Variants in SOX6 observed in about 807,000 individuals in gnomAD.
The protein encoded by SOX6 is SRY-box transcription factor 6, also known as transcription factor SOX-6.
In SOX6, 11 loss-of-function variants were observed where a neutral mutation model predicts 97.8. The ratio of observed to expected loss-of-function variants is 0.11; its 90% CI spans 0.07 to 0.19. SOX6 has a LOEUF of 0.19. Ranked by LOEUF, SOX6 falls within the 10% of genes least tolerant of loss-of-function variation. The pLI is 1.00. For synonymous variants in SOX6, 360 were observed against 371.4 expected, an observed-to-expected ratio of 0.97 and a Z score of 0.35; for missense variants, 810 against 1,039.5, an observed-to-expected ratio of 0.78 and a Z score of 3.04.
At chr11:16,245,801 T>G (rs1853318078) in intron 3 of SOX6, among the ~76,000 whole-genome samples, 1 of 151,526 alleles carries the variant, frequency 6.6e-6, no homozygotes, top group Non-Finnish European at 1.5e-5. Flanking sequence ...AAAAAACTTT[T>G]AACATATTTA....
chr11:16,443,939 G>C (rs1031655405), intron 1 of SOX6, among the ~76,000 whole-genome samples: 6 of 151,378 alleles, frequency 4.0e-5, no homozygotes, highest in Non-Finnish European at 8.8e-5. Flanking sequence ...CTTGAACCCG[G>C]GAGGTGGAGG....
chr11:16,548,649 GAC>G (rs1215476655), intron 4 of SOX6, among the ~76,000 whole-genome samples: 1 of 152,116 alleles, frequency 6.6e-6, no homozygotes, highest in Non-Finnish European at 1.5e-5. Flanking sequence ...CTCTTTGAAA[GAC>G]ACTTAAAATG....
chr11:15,980,473 T>C (rs1214025425), intron 15 of SOX6, among the ~76,000 whole-genome samples: 1 of 152,002 alleles, frequency 6.6e-6, no homozygotes, highest in Non-Finnish European at 1.5e-5. Context: ...TCTTTTATCA[T>C]TATCAGCATA....
chr11:16,476,189 T>C (rs894422701), intron 1 of SOX6: 1 of 152,088 alleles, frequency 6.6e-6, no homozygotes, highest in Non-Finnish European at 1.5e-5. Context: ...TATCAAAAAA[T>C]AATAATTACA....
chr11:16,076,435 A>C (rs945094711), intron 9 of SOX6, among the ~76,000 whole-genome samples: 11 of 151,556 alleles, frequency 7.3e-5, no homozygotes, highest in Non-Finnish European at 1.3e-4. Flanking sequence ...CCCAGTAAAG[A>C]GTGGGCAAAT....
intron 3 of SOX6, among the ~76,000 whole-genome samples, chr11:16,713,066 G>A (rs1848193395): frequency 6.6e-6 from 1 of 152,114 alleles, no homozygotes; most frequent in Admixed American, 6.6e-5. Context: ...TGCCCAAGGT[G>A]ACACAGCATT....
chr11:16,626,525 C>T (rs1024973095), intron 3 of SOX6, among the ~76,000 whole-genome samples: 11 of 152,176 alleles, frequency 7.2e-5, no homozygotes, highest in African/African-American at 2.7e-4. Flanking sequence ...TATTTTAGGA[C>T]ACTTTCAATT....
chr11:16,197,399 T>A (rs1449681937), intron 4 of SOX6, among the ~76,000 whole-genome samples: 2 of 152,206 alleles, frequency 1.3e-5, no homozygotes, highest in African/African-American at 4.8e-5. Context: ...TGTTTTTATA[T>A]AATCATAGAT....
chr11:16,389,696 C>T (rs1028676522), intron 1 of SOX6, among the ~76,000 whole-genome samples: 5 of 151,938 alleles, frequency 3.3e-5, no homozygotes, highest in Non-Finnish European at 5.9e-5. Flanking sequence ...CGGCCGGGTG[C>T]GGTGGCTCAC....
chr11:16,097,470 A>C, intron 8 of SOX6, 139 bp downstream of exon 8: 5 of 743,548 alleles, frequency 6.7e-6, no homozygotes, highest in Non-Finnish European at 1.2e-5. Context: ...CATTACGATA[A>C]GCAAATAAGG....
intron 6 of SOX6, among the ~76,000 whole-genome samples, chr11:16,121,737 T>TA (rs1306224006): frequency 6.6e-6 from 1 of 152,160 alleles, no homozygotes; most frequent in African/African-American, 2.4e-5. Flanking sequence ...AAATGGATGA[T>TA]AAATGTTAAT....
At chr11:16,254,323 A>G (rs1221309271) in intron 3 of SOX6, among the ~76,000 whole-genome samples, 3 of 152,080 alleles carry the variant, frequency 2.0e-5, no homozygotes, top group African/African-American at 7.2e-5. Flanking sequence ...ATCTAGAGAT[A>G]AGTTTGTTCA....
chr11:16,703,216 G>A (rs999561866), intron 3 of SOX6, among the ~76,000 whole-genome samples: 2 of 151,948 alleles, frequency 1.3e-5, no homozygotes, highest in African/African-American at 2.4e-5. Context: ...ATGAACTAAC[G>A]TCTATGAGGG....
At position 16,059,800 on chromosome 11, in the gene SOX6, G is replaced by A. The variant is rs562096133; in HGVS notation, c.1102-3899C>T. Among the ~76,000 whole-genome samples the A allele has an allele frequency of 1.4e-3, 212 of 152,024 alleles. 1 individual carries two copies. Among genetic ancestry groups the A allele is most frequent in the African/African-American group, 4.8e-3 (198 of 41,522 alleles). ...TTTTTGGTTTCTCTTTTACTCTGTT[G>A]TATCATCTTCCTTTGAAATTCAGCC... On this transcript the variant is annotated intron_variant, in intron 9 of 15. Coordinates refer to ENST00000683767, the MANE Select transcript of SOX6 (RefSeq NM_001367873.1).
chr11:16,419,829 C>T (rs757047757), intron 1 of SOX6, among the ~76,000 whole-genome samples: 10 of 152,118 alleles, frequency 6.6e-5, no homozygotes, highest in Non-Finnish European at 1.3e-4. Context: ...CCTAACTCAA[C>T]ATAAGGCTCC....
chr11:16,727,870 A>G (rs1848319273), intron 2 of SOX6, among the ~76,000 whole-genome samples: 1 of 152,088 alleles, frequency 6.6e-6, no homozygotes, highest in Non-Finnish European at 1.5e-5. Context: ...TCTTTTTTAA[A>G]AAGGATTATT....
At position 16,098,937 on chromosome 11, in the gene SOX6, A is replaced by G. The variant is rs528214650; in HGVS notation, c.899-1249T>C. ...TTCCTGGGAACTCATCCTGCTTGCC[A>G]TATGAAATGCTACTCAGCTGGCCCA... On this transcript the variant is annotated intron_variant, in intron 7 of 15. Transcript: ENST00000683767. Among the ~76,000 whole-genome samples, 7 of 151,940 alleles carry G rather than the reference A, an allele frequency of 4.6e-5. No homozygotes were observed. The East Asian group carries it at 1.4e-3, about 30-fold the overall frequency.
At position 16,725,266 on chromosome 11, in the gene SOX6, A is replaced by G. The variant is rs573821092; in HGVS notation, n.354-10361T>C. Among the ~76,000 whole-genome samples, 5 of 152,364 alleles carry G rather than the reference A, an allele frequency of 3.3e-5. No homozygotes were observed. The South Asian group carries it at 1.0e-3, about 32-fold the overall frequency. On this transcript the variant is annotated intron_variant and non_coding_transcript_variant, in intron 2 of 5. Transcript: ENST00000524520. ...TGGCTGGGCGCAGTGGCTGATGCCC[A>G]TAATCCCAACACTTTGGAAGGCCAA...
intron 1 of SOX6, among the ~76,000 whole-genome samples, chr11:16,738,079 C>T (rs979220040): frequency 1.4e-4 from 21 of 151,962 alleles, no homozygotes; most frequent in African/African-American, 4.8e-4. Context: ...CCGTTTTCAA[C>T]AACCGCCAAT....
Sources: gnomAD v4.1 joint callset for allele counts (sites outside exome capture counted in the v4.1 genomes callset) on GRCh38, gnomAD v4.1.1 for gene constraint, MANE v1.5 for transcripts, NCBI Gene and HGNC (gene_info 2026-07-23, HGNC 2026-07-21) for gene names.